GSTM5: variants seen among roughly 807,000 people sequenced by gnomAD.
The protein encoded by GSTM5 is GST class-mu 5.
In GSTM5, 24 loss-of-function variants were observed where a neutral mutation model predicts 29.0. The observed-to-expected ratio is 0.83, with a 90% CI of 0.60 to 1.16. The LOEUF is 1.16. Ranked by LOEUF, GSTM5 falls within the 50% of genes most tolerant of loss-of-function variation. The pLI, the probability that GSTM5 is intolerant of heterozygous loss-of-function variation, is 0.00. For missense variants in GSTM5, 290 were observed against 263.0 expected, an observed-to-expected ratio of 1.10 and a Z score of -0.71; for synonymous variants, 91 against 93.6, an observed-to-expected ratio of 0.97 and a Z score of 0.16.
chr1:109,712,297 C>T lies in GSTM5; in HGVS notation c.-16C>T, dbSNP rs374189642. 39 of 1,613,938 alleles carry T rather than the reference C, an allele frequency of 2.4e-5. No individual in the cohort carries two copies. Among genetic ancestry groups the T allele is most frequent in the Non-Finnish European group, 2.9e-5 (34 of 1,179,942 alleles). Reference sequence around the variant, plus strand: ...TCCGCTGATGCCTGTCTGCAGAATCCGCACCAACCAGCACCATGCCCATGA... The same window carrying T: ...TCCGCTGATGCCTGTCTGCAGAATCTGCACCAACCAGCACCATGCCCATGA... On this transcript the variant is annotated 5_prime_UTR_variant, in exon 1 of 8. Coordinates refer to ENST00000256593, the MANE Select transcript of GSTM5 (RefSeq NM_000851.4).
intron 5 of GSTM5, chr1:109,714,319 T>A (rs1648671803): frequency 6.3e-6 from 1 of 159,894 alleles, no homozygotes; most frequent in Non-Finnish European, 1.4e-5. Flanking sequence ...GTCAGTTGAT[T>A]TATATCACCT....
rs372064554 is a variant in GSTM5, at chr1:109,715,054, G to A, written c.456+12G>A. 30 of 1,614,098 alleles carry A rather than the reference G, an allele frequency of 1.9e-5. No homozygotes were observed. In the Admixed American group the frequency reaches 5.0e-4, roughly 27 times the overall value. ...TTGCAGGAGACAAGGTAAAGGAGGA[G>A]TGATATGGGGAATGAGATCTGTTTT... On this transcript the variant is annotated intron_variant, in intron 6 of 7. Coordinates refer to ENST00000256593, the MANE Select transcript of GSTM5 (RefSeq NM_000851.4).
chr1:109,715,340 G>A, intron 7 of GSTM5, 100 bp downstream of exon 7: 6 of 1,611,060 alleles, frequency 3.7e-6, no homozygotes, highest in Non-Finnish European at 5.1e-6. Context: ...TAACTCGTAT[G>A]TATTGAGTAC....
Position 109,712,252 on chromosome 1 carries a change from T to A in GSTM5, c.-61T>A. On this transcript the variant is annotated 5_prime_UTR_variant, in exon 1 of 8. Coordinates refer to ENST00000256593, the MANE Select transcript of GSTM5 (RefSeq NM_000851.4). ...GGCCCCGCCTGTCCCCTCCTGGGCC[T>A]CTCAAAGTCTGAGCCCCGCTCCGCT... is the stretch of plus-strand genomic sequence containing the variant. 2 of 1,587,796 alleles carry A rather than the reference T, an allele frequency of 1.3e-6. No homozygotes were observed. Among genetic ancestry groups the A allele is most frequent in the Non-Finnish European group, 1.7e-6 (2 of 1,156,310 alleles).
At chr1:109,715,723 G>A (rs776503069) in intron 7 of GSTM5, 14 of 436,574 alleles carry the variant, frequency 3.2e-5, no homozygotes, top group East Asian at 1.0e-4. Flanking sequence ...TACTAAACCT[G>A]CAGGCAGTAT....
chr1:109,713,559 A>G lies in GSTM5; in HGVS notation c.253A>G (p.Asn85Asp), dbSNP rs1261316011. 9.3e-6 allele frequency: 15 copies of G among 1,614,074 alleles called. No individual in the cohort carries two copies. In the Admixed American group the frequency reaches 1.2e-4, roughly 13 times the overall value. The stretch of plus-strand genomic sequence containing the variant: ...CCTGCGCTACATTGCCCGCAAGCAC[A>G]ACCTGTGTGAGTGTGGGTGGCTGCA... ...AILRYIARKH[N>D]LCGETEEEKI... is the part of the protein sequence containing the mutation. The change falls in exon 4 of 8, where the codon AAC (asparagine) becomes GAC (aspartate). Residue 85 changes from asparagine to aspartate, a missense_variant. By Grantham distance (23) the Asn-to-Asp change is conservative. Transcript: ENST00000256593.
At chr1:109,712,546 G>T in intron 1 of GSTM5, 72 bp from the exon 2 acceptor site, 1 of 1,551,498 alleles carries the variant, frequency 6.4e-7, no homozygotes, top group Non-Finnish European at 8.9e-7. Context: ...CTAGGGGCTG[G>T]CCTGGTGCAG....
intron 7 of GSTM5, chr1:109,717,090 A>G (rs958415882): frequency 6.9e-5 from 23 of 333,204 alleles, no homozygotes; most frequent in Admixed American, 4.3e-4. Context: ...TCTGTTGGAT[A>G]TAAAGCACCC....
chr1:109,714,688 C>T lies in GSTM5; in HGVS notation c.361-259C>T, dbSNP rs1457017388. ...GTGCTCGGGCGCTCATGCGGCTGAC[C>T]CAGAGGCTATTGGGAGGCCAGTGAG... On this transcript the variant is annotated intron_variant, in intron 5 of 7. Coordinates refer to ENST00000256593, the MANE Select transcript of GSTM5 (RefSeq NM_000851.4). The T allele has an allele frequency of 2.0e-5, 11 of 543,202 alleles. No homozygotes were observed. In the East Asian group the frequency reaches 3.1e-4, roughly 15 times the overall value. The allele number at this position is 543,202 out of a possible 1,614,324, so 33.6% of individuals were successfully genotyped here. A position where few individuals can be genotyped will look rare whatever the true frequency, so the allele number is the denominator to read the frequency against.
chr1:109,717,311 C>A, intron 7 of GSTM5, 26 bp from the exon 8 acceptor site: 1 of 1,582,722 alleles, frequency 6.3e-7, no homozygotes, highest in Middle Eastern at 1.7e-4. Context: ...GCAGACCTGG[C>A]TCTGGCCCCT....
intron 5 of GSTM5, 156 bp downstream of exon 5, chr1:109,713,917 C>T (rs1440263389): frequency 5.9e-6 from 3 of 510,318 alleles, no homozygotes; most frequent in African/African-American, 4.0e-5. Flanking sequence ...ATCTTCTCCT[C>T]TTCTGAAGAT....
At chr1:109,714,710 T>A in intron 5 of GSTM5, 1 of 577,360 alleles carries the variant, frequency 1.7e-6, no homozygotes, top group Non-Finnish European at 3.1e-6. Context: ...GGGAGGCCAG[T>A]GAGGACAGAT....
Position 109,717,320 on chromosome 1 carries a change from C to T in GSTM5, c.568-17C>T. ...TAGACAGCAGACCTGGCTCTGGCCCCTTCTTCCCGCCCTCAGGGTTTGAAG... is the reference window on the plus strand; with the variant it reads ...TAGACAGCAGACCTGGCTCTGGCCCTTTCTTCCCGCCCTCAGGGTTTGAAG... On this transcript the variant is annotated splice_polypyrimidine_tract_variant and intron_variant, in intron 7 of 7. Coordinates refer to ENST00000256593, the MANE Select transcript of GSTM5 (RefSeq NM_000851.4). The T allele has an allele frequency of 3.1e-6, 5 of 1,606,164 alleles. No homozygotes were observed. Among genetic ancestry groups the T allele is most frequent in the East Asian group, 2.2e-5 (1 of 44,808 alleles).
rs778023983 is a variant in GSTM5 at position 109,712,363 on chromosome 1, T to C, written c.36+15T>C. The C allele has an allele frequency of 3.1e-6, 5 of 1,613,096 alleles. No homozygotes were observed. In the South Asian group the frequency reaches 5.5e-5, roughly 18 times the overall value. ...ACATCCGTGGGGTAAGCGAGGGTCCTCTGGTGGGTGGGACAGGGGGCGGAG... is the reference window on the plus strand; with the variant it reads ...ACATCCGTGGGGTAAGCGAGGGTCCCCTGGTGGGTGGGACAGGGGGCGGAG... On this transcript the variant is annotated intron_variant, in intron 1 of 7. Coordinates refer to ENST00000256593, the MANE Select transcript of GSTM5 (RefSeq NM_000851.4).
At position 109,713,724 on chromosome 1, in the gene GSTM5, A is replaced by C. The variant is rs1486874310; in HGVS notation, c.323A>C (p.His108Pro). 1 of 1,612,870 alleles carries C rather than the reference A, an allele frequency of 6.2e-7. No individual in the cohort carries two copies. The highest frequency in any genetic ancestry group is 2.2e-5 in the East Asian group (1 of 44,852). ...TTGGAGAACCAGGTTATGGATAACCACATGGAGCTGGTCAGACTGTGCTAT... is the reference window on the plus strand; with the variant it reads ...TTGGAGAACCAGGTTATGGATAACCCCATGGAGCTGGTCAGACTGTGCTAT... ...DILENQVMDN[H>P]MELVRLCYDP... The change falls in exon 5 of 8, where the codon CAC becomes CCC. Residue 108 changes from histidine (H) to proline (P), a missense_variant. His to Pro is a moderately conservative substitution (Grantham distance 77). Coordinates refer to ENST00000256593, the MANE Select transcript of GSTM5 (RefSeq NM_000851.4).
At chr1:109,713,322 G>A (rs1648630530) in intron 3 of GSTM5, 139 bp downstream of exon 3, 1 of 1,373,738 alleles carries the variant, frequency 7.3e-7, no homozygotes, top group South Asian at 1.2e-5. Flanking sequence ...CACAGCCCTT[G>A]CATGATGTTC....
intron 5 of GSTM5, chr1:109,714,079 G>A (rs534774758): frequency 2.2e-5 from 5 of 227,060 alleles, no homozygotes; most frequent in Non-Finnish European, 4.4e-5. Flanking sequence ...GCACGCACTG[G>A]TCTTTTCTTA....
At position 109,713,496 on chromosome 1, in the gene GSTM5, A is replaced by G. The variant is rs1648637230; in HGVS notation, c.190A>G (p.Ile64Val). The change falls in exon 4 of 8, where the codon ATT (isoleucine) becomes GTT (valine). Residue 64 changes from isoleucine to valine, a missense_variant. Coordinates refer to ENST00000256593, the MANE Select transcript of GSTM5 (RefSeq NM_000851.4). The part of the protein sequence containing the change: ...GLDFPNLPYL[I>V]DGAHKITQSN... Reference sequence around the variant, plus strand: ...CCCATCTATCCAGCTGCCCTACTTGATTGATGGGGCTCACAAGATCACCCA... The same window carrying G: ...CCCATCTATCCAGCTGCCCTACTTGGTTGATGGGGCTCACAAGATCACCCA... 1.9e-6 allele frequency: 3 copies of G among 1,614,026 alleles called. No individual in the cohort carries two copies. The highest frequency in any genetic ancestry group is 1.3e-5 in the African/African-American group (1 of 74,908).
intron 5 of GSTM5, chr1:109,714,677 A>G: frequency 1.9e-6 from 1 of 515,296 alleles, no homozygotes. Flanking sequence ...TCGGGCGCTC[A>G]TGCGGCTGAC....
Sources: gnomAD v4.1 joint callset for allele counts on GRCh38, gnomAD v4.1.1 for gene constraint, MANE v1.5 for transcripts, NCBI Gene and HGNC (gene_info 2026-07-23, HGNC 2026-07-21) for gene names.